MDGA2: variants seen among roughly 807,000 people sequenced by gnomAD.
MDGA2 encodes the protein MAM domain-containing glycosylphosphatidylinositol anchor protein 2.
A neutral mutation model predicts 117.8 loss-of-function variants in MDGA2; 40 were observed. The ratio of observed to expected loss-of-function variants is 0.34; its 90% confidence interval spans 0.26 to 0.44. The LOEUF (loss-of-function observed/expected upper bound fraction) is 0.44, where lower values mean the gene tolerates loss of function less well. Among genes scored for constraint, MDGA2 ranks in the 20% least tolerant of loss-of-function variants. MDGA2 has a pLI of 1.00. For missense variants in MDGA2, 1,123 were observed against 1,250.6 expected (o/e 0.90, Z 1.54); for synonymous variants, 452 against 439.0 (o/e 1.03, Z -0.37).
chr14:47,376,011 T>G (rs1891470278), intron 1 of MDGA2, among the ~76,000 whole-genome samples: 1 of 152,172 alleles, frequency 6.6e-6, no homozygotes, highest in South Asian at 2.1e-4. Flanking sequence ...TTATTCCATG[T>G]AATGCATGTT....
chr14:47,673,741 CA>C (rs1898119232), intron 1 of MDGA2, among the ~76,000 whole-genome samples: 1 of 150,830 alleles, frequency 6.6e-6, no homozygotes, highest in Non-Finnish European at 1.5e-5. Context: ...TTGAGGACTT[CA>C]AAACCTCCTA....
At chr14:47,043,552 T>G (rs1889152512) in intron 7 of MDGA2, among the ~76,000 whole-genome samples, 1 of 152,092 alleles carries the variant, frequency 6.6e-6, no homozygotes, top group African/African-American at 2.4e-5. Context: ...TGTCTCTTCT[T>G]CATCTAAAAA....
chr14:47,348,220 T>A (rs1028493430), intron 1 of MDGA2, among the ~76,000 whole-genome samples: 2 of 93,906 alleles, frequency 2.1e-5, no homozygotes, highest in African/African-American at 7.3e-5. Context: ...ATCCTTAAAT[T>A]TTTTTTTTTT....
At chr14:47,242,407 G>A (rs1256725676) in intron 2 of MDGA2, among the ~76,000 whole-genome samples, 2 of 151,854 alleles carry the variant, frequency 1.3e-5, no homozygotes, top group African/African-American at 2.4e-5. Context: ...GGCCAAGGCC[G>A]GAGCCCACTC....
At position 47,201,054 on chromosome 14, in the gene MDGA2, G is replaced by T. The variant is rs527454748; in HGVS notation, c.595+16967C>A. ...GTTTAGCCACAATGGCCGCCAGGCG[G>T]CCCAGGAGATGGCCTCGACCATCAA... is the stretch of plus-strand genomic sequence containing the variant. On this transcript the variant is annotated intron_variant, in intron 3 of 16. Transcript: ENST00000399232. The T allele has an allele frequency of 1.7e-5, 19 of 1,139,818 alleles. No homozygotes were observed. In the African/African-American group the frequency reaches 2.6e-4, roughly 15 times the overall value. 70.6% of individuals were successfully genotyped at this position (1,139,818 alleles called of 1,614,324 possible).
At chr14:47,242,243 G>A (rs780799220) in intron 2 of MDGA2, among the ~76,000 whole-genome samples, 7 of 151,932 alleles carry the variant, frequency 4.6e-5, no homozygotes, top group Non-Finnish European at 8.8e-5. Context: ...TTGCATAGAG[G>A]ATATTAAACT....
chr14:46,928,154 T>C (rs1274165599), intron 9 of MDGA2, among the ~76,000 whole-genome samples: 1 of 152,140 alleles, frequency 6.6e-6, no homozygotes, highest in Non-Finnish European at 1.5e-5. Flanking sequence ...ATTTAAAACA[T>C]TCTGTATCAA....
At chr14:47,210,070 G>A (rs1050709274) in intron 3 of MDGA2, among the ~76,000 whole-genome samples, 9 of 152,116 alleles carry the variant, frequency 5.9e-5, no homozygotes, top group Non-Finnish European at 8.8e-5. Flanking sequence ...ATATTTTGCT[G>A]TTTGGTTTAT....
Position 47,675,038 on chromosome 14 carries a change from G to C in MDGA2, c.-242C>G. On this transcript the variant is annotated 5_prime_UTR_variant, in exon 1 of 17. Coordinates refer to ENST00000399232, the MANE Select transcript of MDGA2 (RefSeq NM_001113498.3). Reference sequence around the variant, plus strand: ...GGCCGGCGGCGGGCGCGGGCAGGGGGCCGGGGGTGCCGCGCGGTAGGAGCC... The same window carrying C: ...GGCCGGCGGCGGGCGCGGGCAGGGGCCCGGGGGTGCCGCGCGGTAGGAGCC... 1 of 181,040 alleles carries C rather than the reference G, an allele frequency of 5.5e-6. No individual in the cohort carries two copies. Among genetic ancestry groups the C allele is most frequent in the Non-Finnish European group, 1.1e-5 (1 of 88,450 alleles). The allele number at this position is 181,040 out of a possible 1,614,324, so 11.2% of individuals were successfully genotyped here.
At chr14:47,255,896 G>A (rs1246222206) in intron 2 of MDGA2, among the ~76,000 whole-genome samples, 1 of 151,918 alleles carries the variant, frequency 6.6e-6, no homozygotes, top group African/African-American at 2.4e-5. Flanking sequence ...TGGCATATTT[G>A]TATAGTCCAG....
intron 6 of MDGA2, among the ~76,000 whole-genome samples, chr14:47,082,814 T>C (rs1466314712): frequency 1.3e-5 from 2 of 151,590 alleles, no homozygotes; most frequent in African/African-American, 4.8e-5. Context: ...CTTAAGAACA[T>C]AGGATACAAA....
intron 2 of MDGA2, among the ~76,000 whole-genome samples, chr14:47,265,079 AT>A (rs1887921313): frequency 6.6e-6 from 1 of 152,166 alleles, no homozygotes; most frequent in Non-Finnish European, 1.5e-5. Context: ...GCATTTGCCA[AT>A]TTCTATGATG....
chr14:47,593,115 C>T (rs1041169351), intron 1 of MDGA2, among the ~76,000 whole-genome samples: 1 of 152,126 alleles, frequency 6.6e-6, no homozygotes, highest in African/African-American at 2.4e-5. Context: ...ACAAAGCCAA[C>T]AAACACATGA....
At chr14:47,125,456 A>G (rs756117690) in intron 5 of MDGA2, among the ~76,000 whole-genome samples, 6 of 152,116 alleles carry the variant, frequency 3.9e-5, no homozygotes, top group Non-Finnish European at 8.8e-5. Context: ...TTTATATCAT[A>G]ACTTTCCTAA....
intron 2 of MDGA2, among the ~76,000 whole-genome samples, chr14:47,254,626 T>C (rs934793115): frequency 3.9e-5 from 6 of 152,120 alleles, no homozygotes; most frequent in African/African-American, 1.2e-4. Flanking sequence ...CCTCCAAGTT[T>C]CTAGGAAGTT....
intron 1 of MDGA2, among the ~76,000 whole-genome samples, chr14:47,639,714 C>T (rs867262255): frequency 6.6e-6 from 1 of 152,152 alleles, no homozygotes; most frequent in Non-Finnish European, 1.5e-5. Flanking sequence ...TCAGCTCCTA[C>T]CAGAGGCTGC....
chr14:47,433,823 A>T (rs188530962), intron 1 of MDGA2, among the ~76,000 whole-genome samples: 4 of 152,280 alleles, frequency 2.6e-5, no homozygotes, highest in Admixed American at 2.6e-4. Context: ...CAGGAAACTA[A>T]TACATGTGCT....
At chr14:47,218,271 G>T in intron 2 of MDGA2, 76 bp from the exon 3 acceptor site, 1 of 1,290,516 alleles carries the variant, frequency 7.7e-7, no homozygotes, top group Non-Finnish European at 1.0e-6. Context: ...TCACTCATTT[G>T]AAGAGTTTGC....
intron 1 of MDGA2, among the ~76,000 whole-genome samples, chr14:47,603,657 G>A (rs1416189602): frequency 6.6e-6 from 1 of 151,558 alleles, no homozygotes; most frequent in Non-Finnish European, 1.5e-5. Context: ...CTCTCTTTCT[G>A]CTCTCTTCCC....
Sources: allele counts gnomAD v4.1 joint callset (sites outside exome capture counted in the v4.1 genomes callset), GRCh38; gene constraint gnomAD v4.1.1; transcripts MANE v1.5; gene names NCBI Gene and HGNC (gene_info 2026-07-23, HGNC 2026-07-21).